The following LBHD2 variants were observed in gnomAD, a reference collection of about 807,000 sequenced individuals.
The protein encoded by LBHD2 is LBH domain-containing protein 2.
At chr14:103,088,026 A>C (rs944003) in intron 2 of LBHD2, 59 bp from the exon 3 acceptor site, 1 of 398,052 alleles carries the variant, frequency 2.5e-6, no homozygotes, top group Non-Finnish European at 4.4e-6. Context: ...GGACAGGGGT[A>C]GGGGGGAATA....
chr14:103,087,785 G>A (rs899885156), intron 2 of LBHD2, among the ~76,000 whole-genome samples: 5 of 152,166 alleles, frequency 3.3e-5, no homozygotes, highest in South Asian at 2.1e-4. Flanking sequence ...TGGCCTCTCC[G>A]GCCTCAGGCT....
intron 2 of LBHD2, among the ~76,000 whole-genome samples, chr14:103,087,411 C>G (rs1468682121): frequency 6.6e-6 from 1 of 152,238 alleles, no homozygotes; most frequent in East Asian, 1.9e-4. Context: ...GCAGGGCCAT[C>G]TGCCCGAGCA....
intron 3 of LBHD2, among the ~76,000 whole-genome samples, 193 bp downstream of exon 3, chr14:103,088,434 G>T (rs1889664259): frequency 6.6e-6 from 1 of 152,200 alleles, no homozygotes; most frequent in Admixed American, 6.5e-5. Flanking sequence ...CCCCTCCCTA[G>T]CACCGTCCTC....
intron 1 of LBHD2, 120 bp from the exon 2 acceptor site, chr14:103,085,847 AGGTCCAGCT>A: frequency 2.5e-6 from 1 of 394,842 alleles, no homozygotes. Context: ...AGTGCAATAT[AGGTCCAGCT>A]GGAGCCATGG....
chr14:103,088,186 G>A lies in LBHD2; in HGVS notation c.171G>A (p.Leu57=). The A allele has an allele frequency of 2.5e-6, 1 of 398,694 alleles. No homozygotes were observed. The highest frequency in any genetic ancestry group is 3.6e-5 in the East Asian group (1 of 28,076). 24.7% of individuals were successfully genotyped at this position (398,694 alleles called of 1,614,324 possible). ...CGGACCCTGTGGAAAGTGGGGAGCT[G>A]CGCTGGCCCCTGGAGAGTGCCCAGA... is the stretch of plus-strand genomic sequence containing the variant. ...SEADPVESGE[L]RWPLESAQRG... is the part of the protein sequence containing the mutation. Residue 57 remains leucine, a synonymous_variant, in exon 3 of 4, where the codon CTG becomes CTA. Transcript: ENST00000634353.
At position 103,088,115 on chromosome 14, in the gene LBHD2, C is replaced by T. The variant is rs1002571943; in HGVS notation, c.100C>T (p.Arg34Trp). The change falls in exon 3 of 4, where the codon CGG (arginine) becomes TGG (tryptophan). Residue 34 changes from arginine to tryptophan, a missense_variant. Coordinates refer to ENST00000634353, the MANE Select transcript of LBHD2 (RefSeq NM_001330236.2). The part of the protein sequence containing the change: ...AVAGAWEKGP[R>W]LGQRLPSIVV... ...GGCAGGTGCCTGGGAGAAGGGCCCTCGGCTGGGCCAGCGGCTGCCCTCAAT... is the reference window on the plus strand; with the variant it reads ...GGCAGGTGCCTGGGAGAAGGGCCCTTGGCTGGGCCAGCGGCTGCCCTCAAT... The T allele has an allele frequency of 5.0e-6, 2 of 398,602 alleles. No homozygotes were observed. Among genetic ancestry groups the T allele is most frequent in the East Asian group, 3.6e-5 (1 of 28,078 alleles). The allele number at this position is 398,602 out of a possible 1,614,324, so 24.7% of individuals were successfully genotyped here. A position where few individuals can be genotyped will look rare whatever the true frequency, so the allele number is the denominator to read the frequency against.
intron 1 of LBHD2, among the ~76,000 whole-genome samples, chr14:103,085,434 C>T (rs1889620161): frequency 7.4e-6 from 1 of 135,298 alleles, no homozygotes; most frequent in South Asian, 2.4e-4. Context: ...TGTGGCCAGC[C>T]TGAGTGGGTG....
intron 2 of LBHD2, among the ~76,000 whole-genome samples, chr14:103,087,038 G>GA (rs555567424): frequency 5.9e-5 from 9 of 152,222 alleles, no homozygotes; most frequent in Non-Finnish European, 1.3e-4. Flanking sequence ...CAGGCTGGGG[G>GA]ATGAGCCCCC....
intron 2 of LBHD2, among the ~76,000 whole-genome samples, chr14:103,086,437 C>T (rs578216478): frequency 2.0e-4 from 30 of 152,326 alleles, no homozygotes; most frequent in African/African-American, 7.0e-4. Context: ...TTTCCAACTC[C>T]TGACCTCAGG....
At position 103,084,882 on chromosome 14, in the gene LBHD2, G is replaced by A. The variant is rs527873602; in HGVS notation, c.-38+535G>A. Among the ~76,000 whole-genome samples the A allele has an allele frequency of 3.9e-5, 6 of 152,302 alleles. No homozygotes were observed. The South Asian group carries it at 6.2e-4, about 16-fold the overall frequency. ...CCTGAGTTCTGGGGTCCTGGGATGG[G>A]ATCCAGAAGAGGCTTGATGGAGGGC... On this transcript the variant is annotated intron_variant, in intron 1 of 3. Transcript: ENST00000634353.
chr14:103,088,948 C>G (rs1889671096), intron 3 of LBHD2, among the ~76,000 whole-genome samples: 1 of 152,218 alleles, frequency 6.6e-6, no homozygotes, highest in Admixed American at 6.5e-5. Context: ...GAGCTGAGAT[C>G]GTGCCACTGC....
rs188612007 is a variant in LBHD2, at chr14:103,088,549, C to T, written c.226+308C>T. Among the ~76,000 whole-genome samples the T allele has an allele frequency of 4.0e-3, 606 of 152,386 alleles. 2 individuals carry two copies. Among genetic ancestry groups the T allele is most frequent in the Non-Finnish European group, 6.4e-3 (435 of 68,042 alleles). ...GAATGAGTGATGCCACATTCTCGCC[C>T]CTCCTTATCCAGTGCACCCTCGTCA... On this transcript the variant is annotated intron_variant, in intron 3 of 3. Transcript: ENST00000634353.
At position 103,089,793 on chromosome 14, in the gene LBHD2, G is replaced by A. The variant is rs1889688370; in HGVS notation, c.323G>A (p.Gly108Glu). The A allele has an allele frequency of 1.0e-5, 4 of 398,542 alleles. No homozygotes were observed. In the South Asian group the frequency reaches 3.8e-4, roughly 38 times the overall value. 24.7% of individuals were successfully genotyped at this position (398,542 alleles called of 1,614,324 possible). A position where few individuals can be genotyped will look rare whatever the true frequency, so the allele number is the denominator to read the frequency against. The change falls in exon 4 of 4, where the codon GGA becomes GAA. Residue 108 changes from glycine to glutamate, a missense_variant. By Grantham distance (98) the Gly-to-Glu change is moderately conservative (BLOSUM62 -2). Transcript: ENST00000634353. ...CSEDPAAPARG is the reference protein window; with the variant it reads ...CSEDPAAPARE The stretch of plus-strand genomic sequence containing the variant: ...GAGGACCCAGCAGCCCCGGCCCGGG[G>A]ATAGGACAAGGACGTGGCTGGGCTC...
At chr14:103,085,869 A>T (rs1263977519) in intron 1 of LBHD2, 107 bp from the exon 2 acceptor site, 1 of 396,086 alleles carries the variant, frequency 2.5e-6, no homozygotes, top group African/African-American at 2.1e-5. Flanking sequence ...AGCCATGGGC[A>T]CTGGGCCTGG....
intron 2 of LBHD2, among the ~76,000 whole-genome samples, chr14:103,087,609 C>T (rs1450493404): frequency 6.6e-6 from 1 of 152,216 alleles, no homozygotes; most frequent in Non-Finnish European, 1.5e-5. Flanking sequence ...CAAGAGCAAG[C>T]CCAGAGCCAG....
intron 1 of LBHD2, among the ~76,000 whole-genome samples, chr14:103,085,688 G>GCTAC (rs1889623200): frequency 6.6e-6 from 1 of 152,224 alleles, no homozygotes; most frequent in African/African-American, 2.4e-5. Flanking sequence ...AGCTGGCCTA[G>GCTAC]CTACCTCCTG....
chr14:103,086,154 C>T (rs1343712706), intron 2 of LBHD2, 73 bp downstream of exon 2: 1 of 398,334 alleles, frequency 2.5e-6, no homozygotes, highest in East Asian at 3.6e-5. Context: ...TGGGGCATGC[C>T]TTGCCTTGCT....
chr14:103,089,749 C>T lies in LBHD2; in HGVS notation c.279C>T (p.Gly93=). 2.5e-6 allele frequency: 1 copy of T among 398,674 alleles called. No homozygotes were observed. The highest frequency in any genetic ancestry group is 4.4e-6 in the Non-Finnish European group (1 of 226,096). The allele number at this position is 398,674 out of a possible 1,614,324, so 24.7% of individuals were successfully genotyped here. A position where few individuals can be genotyped will look rare whatever the true frequency, so the allele number is the denominator to read the frequency against. ...CAGGGAAAGCTGCAGATAACGCTGG[C>T]AGCGAGTGTGCCTGCTCCGAGGACC... The part of the protein sequence containing the change: ...GEPGKAADNA[G]SECACSEDPA... The change falls in exon 4 of 4, where the codon GGC becomes GGT. Residue 93 remains glycine (G), a synonymous_variant. Transcript: ENST00000634353.
At chr14:103,084,735 TCTC>T (rs1220892183) in intron 1 of LBHD2, among the ~76,000 whole-genome samples, 2 of 151,512 alleles carry the variant, frequency 1.3e-5, no homozygotes, top group African/African-American at 4.9e-5. Flanking sequence ...CTCTCTCTCT[TCTC>T]CTCTGTCTCC....
Sources: gnomAD v4.1 joint callset for allele counts (sites outside exome capture counted in the v4.1 genomes callset) on GRCh38, gnomAD v4.1.1 for gene constraint, MANE v1.5 for transcripts, NCBI Gene and HGNC (gene_info 2026-07-23, HGNC 2026-07-21) for gene names.